Variants in MKLN1 observed in about 807,000 individuals in gnomAD.
The protein encoded by MKLN1 is muskelin.
In MKLN1, 18 loss-of-function variants were observed where a neutral mutation model predicts 99.0. That is an observed-to-expected ratio of 0.18 (90% CI 0.13 to 0.27). The LOEUF is 0.27. MKLN1 is among the 10% of genes least tolerant of loss of function. The pLI, the probability that MKLN1 is intolerant of heterozygous loss-of-function variation, is 1.00. For synonymous variants in MKLN1, 288 were observed against 293.2 expected (o/e 0.98, Z 0.18); for missense variants, 621 against 875.9 (o/e 0.71, Z 3.67).
chr7:131,160,899 G>T (rs1368307875), intron 2 of MKLN1, among the ~76,000 whole-genome samples: 2 of 152,062 alleles, frequency 1.3e-5, no homozygotes, highest in Non-Finnish European at 2.9e-5. Flanking sequence ...ACTCAGAAGG[G>T]GAGAAGTATA....
chr7:131,131,855 C>G (rs1361330930), intron 1 of MKLN1, among the ~76,000 whole-genome samples: 4 of 152,208 alleles, frequency 2.6e-5, no homozygotes, highest in Non-Finnish European at 5.9e-5. Context: ...GAACTTACAT[C>G]AGGTATTATA....
intron 1 of MKLN1, among the ~76,000 whole-genome samples, chr7:131,347,803 A>G (rs1306724236): frequency 2.0e-5 from 3 of 152,156 alleles, no homozygotes; most frequent in Admixed American, 6.5e-5. Context: ...TTTCAAGTGG[A>G]TTAATATTAC....
chr7:131,371,972 A>G (rs1159837752), intron 1 of MKLN1, among the ~76,000 whole-genome samples: 3 of 151,940 alleles, frequency 2.0e-5, no homozygotes, highest in African/African-American at 7.2e-5. Context: ...ATAATTTAGA[A>G]GATATGTGGT....
chr7:131,195,630 C>T (rs1048846979), intron 2 of MKLN1, among the ~76,000 whole-genome samples: 3 of 152,064 alleles, frequency 2.0e-5, no homozygotes, highest in East Asian at 3.9e-4. Context: ...TAACCACATA[C>T]ATATTTCATA....
chr7:131,152,077 C>A (rs1047225376), intron 2 of MKLN1, among the ~76,000 whole-genome samples: 1 of 152,142 alleles, frequency 6.6e-6, no homozygotes, highest in Non-Finnish European at 1.5e-5. Context: ...AATCCCAACA[C>A]TTTCAGAGGC....
At chr7:131,436,356 T>C (rs1421408954) in intron 9 of MKLN1, among the ~76,000 whole-genome samples, 1 of 152,210 alleles carries the variant, frequency 6.6e-6, no homozygotes, top group African/African-American at 2.4e-5. Context: ...CCTCTGTCAG[T>C]CATTCATCAG....
chr7:131,215,748 G>A (rs918972767), intron 3 of MKLN1, among the ~76,000 whole-genome samples: 2 of 152,176 alleles, frequency 1.3e-5, no homozygotes, highest in Non-Finnish European at 2.9e-5. Context: ...TGTGATGATG[G>A]AGATACCATG....
At chr7:131,279,503 G>T (rs1798020766) in intron 3 of MKLN1, among the ~76,000 whole-genome samples, 1 of 152,102 alleles carries the variant, frequency 6.6e-6, no homozygotes, top group Non-Finnish European at 1.5e-5. Context: ...AAAAAAAGTT[G>T]CCCATTTAAA....
At chr7:131,325,185 T>C (rs1222000597), upstream of MKLN1, among the ~76,000 whole-genome samples, 1 of 152,044 alleles carries the variant, frequency 6.6e-6, no homozygotes, top group South Asian at 2.1e-4. Flanking sequence ...GTGAACAAGA[T>C]ATGTATGACT....
At chr7:131,461,253 G>A (rs1796506201) in intron 12 of MKLN1, among the ~76,000 whole-genome samples, 1 of 107,394 alleles carries the variant, frequency 9.3e-6, no homozygotes, top group South Asian at 2.6e-4. Context: ...TTTTTTGTTT[G>A]CGGTTTTTTT....
At chr7:131,275,392 G>A (rs1424680305) in intron 3 of MKLN1, among the ~76,000 whole-genome samples, 1 of 118,706 alleles carries the variant, frequency 8.4e-6, no homozygotes, top group Non-Finnish European at 1.7e-5. Flanking sequence ...TTTTTGAGAC[G>A]GAGTCTTACT....
intron 1 of MKLN1, among the ~76,000 whole-genome samples, chr7:131,141,491 T>A (rs1237613388): frequency 6.6e-6 from 1 of 152,236 alleles, no homozygotes; most frequent in Non-Finnish European, 1.5e-5. Context: ...TCCTCGAGAA[T>A]GTGGCTTGTA....
At chr7:131,438,960 T>C (rs1259729677) in intron 10 of MKLN1, among the ~76,000 whole-genome samples, 1 of 152,170 alleles carries the variant, frequency 6.6e-6, no homozygotes, top group East Asian at 1.9e-4. Flanking sequence ...TCTATTAACA[T>C]ATAATTGTTA....
intron 3 of MKLN1, among the ~76,000 whole-genome samples, chr7:131,210,827 G>C (rs1796893726): frequency 6.9e-6 from 1 of 144,044 alleles, no homozygotes; most frequent in African/African-American, 2.6e-5. Context: ...GACCAAATTA[G>C]AAGCTGACCA....
intron 2 of MKLN1, among the ~76,000 whole-genome samples, chr7:131,200,183 C>T (rs1221421267): frequency 1.3e-5 from 2 of 152,204 alleles, no homozygotes; most frequent in Non-Finnish European, 2.9e-5. Flanking sequence ...TAATGTGTTA[C>T]TTTTAACCCC....
At chr7:131,149,084 G>A (rs1795853927) in intron 2 of MKLN1, among the ~76,000 whole-genome samples, 1 of 152,168 alleles carries the variant, frequency 6.6e-6, no homozygotes, top group Admixed American at 6.6e-5. Flanking sequence ...GGTATTCAAC[G>A]CAGGTGGGGT....
At chr7:131,181,849 G>A (rs749057899) in intron 2 of MKLN1, among the ~76,000 whole-genome samples, 2 of 152,016 alleles carry the variant, frequency 1.3e-5, no homozygotes, top group Admixed American at 6.6e-5. Context: ...TAGTAGAGAC[G>A]AGATTTCACC....
intron 2 of MKLN1, among the ~76,000 whole-genome samples, chr7:131,186,453 A>T (rs1188318450): frequency 6.6e-6 from 1 of 152,192 alleles, no homozygotes; most frequent in Non-Finnish European, 1.5e-5. Context: ...GGCTGCAGAG[A>T]ACCATGATCG....
chr7:131,416,384 CAG>C (rs1231150948), intron 8 of MKLN1, among the ~76,000 whole-genome samples: 5 of 152,124 alleles, frequency 3.3e-5, no homozygotes, highest in South Asian at 2.1e-4. Context: ...AATTCGAAAA[CAG>C]AAAATTATTC....
Sources: gnomAD v4.1 joint callset for allele counts (sites outside exome capture counted in the v4.1 genomes callset) on GRCh38, gnomAD v4.1.1 for gene constraint, MANE v1.5 for transcripts, NCBI Gene and HGNC (gene_info 2026-07-23, HGNC 2026-07-21) for gene names.